The following MCIDAS variants were observed in gnomAD, a reference collection of about 807,000 sequenced individuals.
MCIDAS encodes the protein multicilin.
MCIDAS carries 23 observed loss-of-function variants against 35.4 expected under a neutral mutation model. The observed-to-expected ratio is 0.65, with a 90% CI of 0.47 to 0.92. MCIDAS has a LOEUF of 0.92. Among genes scored for constraint, MCIDAS ranks in the 40% least tolerant of loss-of-function variants. The probability of loss-of-function intolerance (pLI) is 0.00; values close to 1 mark genes in which losing one functional copy is unlikely to be tolerated. For synonymous variants in MCIDAS, 228 were observed against 235.2 expected, an observed-to-expected ratio of 0.97 and a Z score of 0.28; for missense variants, 480 against 531.8, an observed-to-expected ratio of 0.90 and a Z score of 0.96.
Position 55,226,682 on chromosome 5 carries a change from CG to C in MCIDAS, c.218-16del. ...GGTGGTGAGGGCTGCGCGGGGAGAC[CG>C]GGAGACACGCGCCGGGCGGGCCCTG... On this transcript the variant is annotated splice_polypyrimidine_tract_variant and intron_variant, in intron 2 of 6. Transcript: ENST00000513312. 6.8e-7 allele frequency: 1 copy of C among 1,477,796 alleles called. No individual in the cohort carries two copies. The highest frequency in any genetic ancestry group is 1.3e-5 in the South Asian group (1 of 76,130). 91.5% of individuals were successfully genotyped at this position (1,477,796 alleles called of 1,614,324 possible).
rs972800841 is a variant in MCIDAS, at chr5:55,226,974, G to A, written c.121-43C>T. The A allele has an allele frequency of 4.0e-6, 6 of 1,503,382 alleles. No individual in the cohort carries two copies. The African/African-American group carries it at 7.2e-5, about 18-fold the overall frequency. 93.1% of individuals were successfully genotyped at this position (1,503,382 alleles called of 1,614,324 possible). A position where few individuals can be genotyped will look rare whatever the true frequency, so the allele number is the denominator to read the frequency against. On this transcript the variant is annotated intron_variant, in intron 1 of 6. Transcript: ENST00000513312. The stretch of plus-strand genomic sequence containing the variant: ...CGTTGAACGCGGGTCAGCCCTCGGG[G>A]CACCGAGCGCGCAGACCCCGCCCGG...
chr5:55,220,909 G>C, intron 6 of MCIDAS, 103 bp from the exon 7 acceptor site: 1 of 1,446,998 alleles, frequency 6.9e-7, no homozygotes, highest in Non-Finnish European at 9.2e-7. Context: ...CGCACTCAGC[G>C]GTACTCTCCT....
chr5:55,226,237 A>C (rs1163642121), intron 3 of MCIDAS, among the ~76,000 whole-genome samples: 2 of 152,108 alleles, frequency 1.3e-5, no homozygotes, highest in Non-Finnish European at 2.9e-5. Context: ...CCAGTGCGCA[A>C]CTTTGCTCCC....
At position 55,222,494 on chromosome 5, in the gene MCIDAS, G is replaced by A. The variant is rs921166836; in HGVS notation, c.383-95C>T. 8.6e-6 allele frequency: 9 copies of A among 1,049,006 alleles called. No individual in the cohort carries two copies. In the East Asian group the frequency reaches 1.9e-4, roughly 22 times the overall value. The allele number at this position is 1,049,006 out of a possible 1,614,324, so 65.0% of individuals were successfully genotyped here. A position where few individuals can be genotyped will look rare whatever the true frequency, so the allele number is the denominator to read the frequency against. ...ACTCTGGGTGTAGGGTGTATGTAGA[G>A]ATTTTTCTTTATTAAATTAAGCACC... On this transcript the variant is annotated intron_variant, in intron 4 of 6. Coordinates refer to ENST00000513312, the MANE Select transcript of MCIDAS (RefSeq NM_001190787.3).
rs1324391595 is a variant in MCIDAS, at chr5:55,222,326, G to A, written c.456C>T (p.Phe152=). Residue 152 remains phenylalanine, a synonymous_variant, in exon 5 of 7, where the codon TTC becomes TTT. Coordinates refer to ENST00000513312, the MANE Select transcript of MCIDAS (RefSeq NM_001190787.3). ...FPFSPCDISP[F]GPCLSPPLDP... ...CCAGTGGCGGGGAGAGGCAGGGCCCGAATGGTGATATGTCGCAAGGAGAGA... is the reference window on the plus strand; with the variant it reads ...CCAGTGGCGGGGAGAGGCAGGGCCCAAATGGTGATATGTCGCAAGGAGAGA... The A allele has an allele frequency of 2.0e-6, 3 of 1,534,564 alleles. No homozygotes were observed. Among genetic ancestry groups the A allele is most frequent in the Non-Finnish European group, 2.6e-6 (3 of 1,146,146 alleles).
chr5:55,222,466 G>A, intron 4 of MCIDAS, 67 bp from the exon 5 acceptor site: 1 of 1,255,582 alleles, frequency 8.0e-7, no homozygotes, highest in South Asian at 1.5e-5. Context: ...GGAGCAAAAT[G>A]CCACTCTGGG....
At chr5:55,220,875 G>C in intron 6 of MCIDAS, 69 bp from the exon 7 acceptor site, 1 of 1,477,464 alleles carries the variant, frequency 6.8e-7, no homozygotes, top group Non-Finnish European at 9.0e-7. Context: ...CGTGCAAAAG[G>C]TGACCTAGGC....
Position 55,222,259 on chromosome 5 carries a change from C to T in MCIDAS, c.523G>A (p.Val175Met). The change falls in exon 5 of 7, where the codon GTG becomes ATG. Residue 175 changes from valine to methionine, a missense_variant. Physicochemically the swap from Val to Met is conservative, Grantham distance 21. Transcript: ENST00000513312. ...TTCCAGTATTGCTCAGGCGGGGGCACGTCTGGAGGGCGCAGCGGTGGTGAC... is the reference window on the plus strand; with the variant it reads ...TTCCAGTATTGCTCAGGCGGGGGCATGTCTGGAGGGCGCAGCGGTGGTGAC... Reference protein sequence around the residue: ...LQSPPLRPPDVPPPEQYWKEV... With the variant: ...LQSPPLRPPDMPPPEQYWKEV... 6.5e-7 allele frequency: 1 copy of T among 1,536,050 alleles called. No homozygotes were observed. The highest frequency in any genetic ancestry group is 8.7e-7 in the Non-Finnish European group (1 of 1,146,902).
At chr5:55,220,942 G>C in intron 6 of MCIDAS, 74 bp downstream of exon 6, 1 of 1,458,886 alleles carries the variant, frequency 6.9e-7, no homozygotes, top group Non-Finnish European at 9.2e-7. Flanking sequence ...CACGGGTCCC[G>C]ATGCTGGGCG....
At chr5:55,226,100 A>G (rs570707399) in intron 3 of MCIDAS, among the ~76,000 whole-genome samples, 15 of 152,160 alleles carry the variant, frequency 9.9e-5, no homozygotes, top group African/African-American at 3.6e-4. Context: ...CCAACTGCAA[A>G]TTCTCTTGCT....
chr5:55,221,832 C>T lies in MCIDAS; in HGVS notation c.606+344G>A, dbSNP rs184898502. On this transcript the variant is annotated intron_variant, in intron 5 of 6. Coordinates refer to ENST00000513312, the MANE Select transcript of MCIDAS (RefSeq NM_001190787.3). ...CCCAGCTACTTGGGAGGCTGAGGCACGAGAATGGCTTGAGCCTGGGAGGCG... is the reference window on the plus strand; with the variant it reads ...CCCAGCTACTTGGGAGGCTGAGGCATGAGAATGGCTTGAGCCTGGGAGGCG... Among the ~76,000 whole-genome samples, 299 of 151,668 alleles carry T rather than the reference C, an allele frequency of 2.0e-3. 3 individuals carry two copies. The South Asian group carries it at 0.027, about 14-fold the overall frequency.
chr5:55,222,913 C>A, intron 4 of MCIDAS, 38 bp downstream of exon 4: 1 of 1,520,700 alleles, frequency 6.6e-7, no homozygotes, highest in Non-Finnish European at 8.8e-7. Flanking sequence ...GTGGGGGACA[C>A]CCCCGCTGTT....
Position 55,223,086 on chromosome 5 carries a change from A to C in MCIDAS, c.310-63T>G. 7.4e-7 allele frequency: 1 copy of C among 1,353,052 alleles called. No homozygotes were observed. Among genetic ancestry groups the C allele is most frequent in the Non-Finnish European group, 1.0e-6 (1 of 981,080 alleles). The allele number at this position is 1,353,052 out of a possible 1,614,324, so 83.8% of individuals were successfully genotyped here. ...TGGCGTTAGAAAGCCTTCAATAAAT[A>C]TTGGCGTCCCTGTTAAAAATCTGGC... On this transcript the variant is annotated intron_variant, in intron 3 of 6. Coordinates refer to ENST00000513312, the MANE Select transcript of MCIDAS (RefSeq NM_001190787.3). This position sits in a 1 kb window ranked among gnomAD's most constrained non-coding sequence, Gnocchi z 4.4.
At chr5:55,221,893 C>T (rs1285844462) in intron 5 of MCIDAS, among the ~76,000 whole-genome samples, 1 of 151,972 alleles carries the variant, frequency 6.6e-6, no homozygotes, top group African/African-American at 2.4e-5. Flanking sequence ...CCACTGCACT[C>T]CAGCCTGGGC....
chr5:55,221,164 G>A, intron 5 of MCIDAS, 38 bp from the exon 6 acceptor site: 1 of 1,450,502 alleles, frequency 6.9e-7, no homozygotes, highest in Non-Finnish European at 9.3e-7. Context: ...GGTAGGTACT[G>A]TGCTGGGTCT....
At chr5:55,225,074 T>C (rs993202814) in intron 3 of MCIDAS, among the ~76,000 whole-genome samples, 4 of 152,032 alleles carry the variant, frequency 2.6e-5, no homozygotes, top group Non-Finnish European at 5.9e-5. Context: ...CTGGCCGTGG[T>C]GTGTGCACCT....
At chr5:55,225,200 C>CTTTT (rs1745435428) in intron 3 of MCIDAS, among the ~76,000 whole-genome samples, 1 of 151,962 alleles carries the variant, frequency 6.6e-6, no homozygotes, top group Admixed American at 6.6e-5. Flanking sequence ...AGAGTGAGAC[C>CTTTT]TTGTCTCAAA....
intron 5 of MCIDAS, among the ~76,000 whole-genome samples, 181 bp from the exon 6 acceptor site, chr5:55,221,307 T>G (rs1359545438): frequency 1.3e-5 from 2 of 152,128 alleles, no homozygotes; most frequent in East Asian, 3.9e-4. Flanking sequence ...TGGACAAAAT[T>G]TATCTCCATT....
intron 5 of MCIDAS, among the ~76,000 whole-genome samples, chr5:55,221,854 G>A (rs1233925121): frequency 6.6e-6 from 1 of 152,116 alleles, no homozygotes; most frequent in Non-Finnish European, 1.5e-5. Flanking sequence ...GAGCCTGGGA[G>A]GCGGAGGTTG....
Sources: allele counts gnomAD v4.1 joint callset (sites outside exome capture counted in the v4.1 genomes callset), GRCh38; gene constraint gnomAD v4.1.1; non-coding constraint Gnocchi (gnomAD v3.1); transcripts MANE v1.5; gene names NCBI Gene and HGNC (gene_info 2026-07-23, HGNC 2026-07-21).